Variants in MBNL3 observed in about 807,000 individuals in gnomAD.
MBNL3 encodes the protein muscleblind-like protein 3.
Under a neutral mutation model 24.5 loss-of-function variants are expected in MBNL3, and 6 were observed. The observed-to-expected ratio is 0.25, with a 90% CI of 0.13 to 0.48. MBNL3 has a LOEUF of 0.48. MBNL3 is among the 20% of genes least tolerant of loss of function. The probability of loss-of-function intolerance (pLI) is 0.99; values close to 1 mark genes in which losing one functional copy is unlikely to be tolerated. For missense variants in MBNL3, 230 were observed against 293.5 expected (o/e 0.78, Z 1.58); for synonymous variants, 100 against 101.7 (o/e 0.98, Z 0.10).
chrX:132,409,192 C>A (rs183254606), intron 2 of MBNL3, among the ~76,000 whole-genome samples: 2 of 111,842 alleles, frequency 1.8e-5, no homozygotes, highest in African/African-American at 6.5e-5. Flanking sequence ...TTCAAGAGGC[C>A]CAAACGTAAT....
At chrX:132,435,351 A>G (rs1945059807) in intron 2 of MBNL3, among the ~76,000 whole-genome samples, 1 of 111,739 alleles carries the variant, frequency 8.9e-6, no homozygotes, top group African/African-American at 3.3e-5. Context: ...GCTGCTGCTT[A>G]TGTGTCTTTA....
chrX:132,424,944 C>G (rs1251073018), intron 2 of MBNL3, among the ~76,000 whole-genome samples: 1 of 111,227 alleles, frequency 9.0e-6, no homozygotes, highest in Non-Finnish European at 1.9e-5. Context: ...TCACATGCCA[C>G]TAAAGTGAGG....
At chrX:132,479,787 T>A (rs1248001846) in intron 1 of MBNL3, among the ~76,000 whole-genome samples, 1 of 111,262 alleles carries the variant, frequency 9.0e-6, no homozygotes, top group African/African-American at 3.3e-5. Context: ...ATTTCAGAGA[T>A]TCAGCCCACC....
chrX:132,425,128 A>G (rs1439480682), intron 2 of MBNL3, among the ~76,000 whole-genome samples: 1 of 111,940 alleles, frequency 8.9e-6, no homozygotes, highest in African/African-American at 3.2e-5. Flanking sequence ...TTGTTGAAAC[A>G]CTTTTCTCAA....
At chrX:132,449,482 T>TC (rs1435739854) in intron 1 of MBNL3, among the ~76,000 whole-genome samples, 1 of 93,778 alleles carries the variant, frequency 1.1e-5, no homozygotes, top group Non-Finnish European at 2.1e-5. Flanking sequence ...TTTTTTTTTT[T>TC]TTTTTGCTTT....
chrX:132,417,839 G>T (rs1943437410), intron 2 of MBNL3, among the ~76,000 whole-genome samples: 1 of 111,825 alleles, frequency 8.9e-6, no homozygotes. Flanking sequence ...CATTCTCAAA[G>T]ATTTTGACAA....
intron 2 of MBNL3, among the ~76,000 whole-genome samples, chrX:132,436,531 C>T (rs1945128288): frequency 8.9e-6 from 1 of 112,036 alleles, no homozygotes; most frequent in African/African-American, 3.2e-5. Flanking sequence ...GCCCAAAACT[C>T]ATCAAATGAT....
intron 1 of MBNL3, among the ~76,000 whole-genome samples, chrX:132,479,205 T>A (rs1010812674): frequency 8.0e-5 from 9 of 111,944 alleles, no homozygotes; most frequent in African/African-American, 2.3e-4. Flanking sequence ...GCTGAGATTG[T>A]ACCACTGCAC....
chrX:132,419,953 C>A (rs1476254142), intron 2 of MBNL3, among the ~76,000 whole-genome samples: 1 of 111,757 alleles, frequency 8.9e-6, no homozygotes, highest in Non-Finnish European at 1.9e-5. Flanking sequence ...GAGAAGATCA[C>A]CTGAGCCCGG....
intron 2 of MBNL3, chrX:132,413,590 G>A (rs762443513): frequency 9.1e-7 from 1 of 1,097,936 alleles, no homozygotes; most frequent in African/African-American, 1.9e-5. Context: ...TACCTGATCA[G>A]CTGCAAGGAA....
intron 3 of MBNL3, among the ~76,000 whole-genome samples, chrX:132,401,706 A>C (rs2148242701): frequency 9.0e-6 from 1 of 110,970 alleles, no homozygotes; most frequent in Admixed American, 9.7e-5. Context: ...AGTAATATAA[A>C]CCCAAGTAAT....
At chrX:132,482,307 A>T (rs1603273787) in intron 1 of MBNL3, among the ~76,000 whole-genome samples, 1 of 112,787 alleles carries the variant, frequency 8.9e-6, no homozygotes, top group Middle Eastern at 4.6e-3. Flanking sequence ...TACACATTGT[A>T]TGCATGTATT....
intron 1 of MBNL3, among the ~76,000 whole-genome samples, chrX:132,479,256 A>G (rs1264200262): frequency 8.9e-6 from 1 of 112,062 alleles, no homozygotes; most frequent in Non-Finnish European, 1.9e-5. Context: ...CTCCAAAAAT[A>G]AAAATAAATA....
At chrX:132,408,592 G>A (rs900790227) in intron 2 of MBNL3, among the ~76,000 whole-genome samples, 3 of 111,668 alleles carry the variant, frequency 2.7e-5, no homozygotes, top group Non-Finnish European at 5.7e-5. Flanking sequence ...AGAACACACT[G>A]TATTTGGCAC....
chrX:132,418,503 T>A (rs1943504862), intron 2 of MBNL3, among the ~76,000 whole-genome samples: 1 of 112,024 alleles, frequency 8.9e-6, no homozygotes, highest in South Asian at 3.7e-4. Flanking sequence ...ATCAAGATAC[T>A]GTGCTTCATA....
At chrX:132,423,602 G>A (rs753725452) in intron 2 of MBNL3, among the ~76,000 whole-genome samples, 2 of 111,946 alleles carry the variant, frequency 1.8e-5, no homozygotes, top group Non-Finnish European at 3.8e-5. Flanking sequence ...CTGAATACAA[G>A]TTCATCAGTT....
chrX:132,414,415 G>C (rs190266790), intron 2 of MBNL3, among the ~76,000 whole-genome samples: 1 of 112,127 alleles, frequency 8.9e-6, no homozygotes, highest in Admixed American at 9.4e-5. Context: ...AGCTGGAAAG[G>C]CTCTTAGAGA....
At chrX:132,409,668 G>T (rs907999365) in intron 2 of MBNL3, among the ~76,000 whole-genome samples, 1 of 111,255 alleles carries the variant, frequency 9.0e-6, no homozygotes, top group East Asian at 2.8e-4. Flanking sequence ...CTCTGTAAAC[G>T]TACCTACAAC....
At chrX:132,428,701 A>G (rs188001891) in intron 2 of MBNL3, among the ~76,000 whole-genome samples, 47 of 112,115 alleles carry the variant, frequency 4.2e-4, no homozygotes, top group Non-Finnish European at 7.7e-4. Flanking sequence ...AGGATGGTAC[A>G]TGCAGAAAGG....
Sources: allele counts gnomAD v4.1 joint callset (sites outside exome capture counted in the v4.1 genomes callset), GRCh38; gene constraint gnomAD v4.1.1; transcripts MANE v1.5; gene names NCBI Gene and HGNC (gene_info 2026-07-23, HGNC 2026-07-21).